Variants in CACNA2D3 observed in about 807,000 individuals in gnomAD.
CACNA2D3 encodes voltage-dependent calcium channel subunit alpha-2/delta-3.
In CACNA2D3, 60 loss-of-function variants were observed where a neutral mutation model predicts 160.6. That is an observed-to-expected ratio of 0.37 (90% CI 0.30 to 0.46). The LOEUF (loss-of-function observed/expected upper bound fraction) is 0.46, where lower values mean the gene tolerates loss of function less well. CACNA2D3 is among the 20% of genes least tolerant of loss of function. The pLI, the probability that CACNA2D3 is intolerant of heterozygous loss-of-function variation, is 1.00. For synonymous variants in CACNA2D3, 558 were observed against 492.9 expected, an observed-to-expected ratio of 1.13 and a Z score of -1.75; for missense variants, 1,205 against 1,365.0, an observed-to-expected ratio of 0.88 and a Z score of 1.85.
intron 5 of CACNA2D3, among the ~76,000 whole-genome samples, chr3:54,504,523 C>T (rs550694457): frequency 1.3e-5 from 2 of 152,190 alleles, no homozygotes; most frequent in Admixed American, 6.5e-5. Context: ...TTGTTTTCAG[C>T]ATCTTTATCC....
chr3:54,208,744 A>AT (rs1701318423), intron 2 of CACNA2D3, among the ~76,000 whole-genome samples: 1 of 91,756 alleles, frequency 1.1e-5, no homozygotes, highest in African/African-American at 4.5e-5. Context: ...TCATTAAAAA[A>AT]CCTTTTTTTT....
chr3:54,526,767 T>C (rs1410567236), intron 5 of CACNA2D3, among the ~76,000 whole-genome samples: 2 of 152,228 alleles, frequency 1.3e-5, no homozygotes, highest in African/African-American at 4.8e-5. Context: ...CTCAGCTCAC[T>C]GCAACCTCCA....
chr3:54,942,699 G>A (rs774978300), intron 27 of CACNA2D3, among the ~76,000 whole-genome samples: 1 of 151,924 alleles, frequency 6.6e-6, no homozygotes, highest in Non-Finnish European at 1.5e-5. Flanking sequence ...GACCAGCCTG[G>A]GCAACATAGC....
At chr3:54,457,056 T>C (rs963881146) in intron 4 of CACNA2D3, among the ~76,000 whole-genome samples, 2 of 151,968 alleles carry the variant, frequency 1.3e-5, no homozygotes, top group African/African-American at 2.4e-5. Context: ...ATTTTGTTGA[T>C]CTTTTTTTGT....
chr3:54,487,382 A>T (rs956927667), intron 4 of CACNA2D3, among the ~76,000 whole-genome samples: 1 of 152,154 alleles, frequency 6.6e-6, no homozygotes, highest in Non-Finnish European at 1.5e-5. Context: ...GGGGAAAAAA[A>T]CCAGACAGTC....
intron 35 of CACNA2D3, among the ~76,000 whole-genome samples, chr3:55,036,976 G>T (rs1279342428): frequency 6.6e-6 from 1 of 152,144 alleles, no homozygotes; most frequent in East Asian, 1.9e-4. Context: ...TGGCCAGGAG[G>T]TGAGTCTGGG....
intron 27 of CACNA2D3, among the ~76,000 whole-genome samples, chr3:54,963,659 G>GTGTT (rs1246390893): frequency 3.3e-5 from 5 of 152,336 alleles, no homozygotes; most frequent in African/African-American, 1.2e-4. Flanking sequence ...AATGGTCTAT[G>GTGTT]TGTTTTGGAT....
intron 9 of CACNA2D3, among the ~76,000 whole-genome samples, chr3:54,593,118 AAGAT>A (rs1702892119): frequency 6.6e-6 from 1 of 152,310 alleles, no homozygotes; most frequent in Admixed American, 6.5e-5. Flanking sequence ...AAACTAATAA[AAGAT>A]AGTAAGAGTT....
chr3:54,248,354 T>TC (rs1443580534), intron 2 of CACNA2D3, among the ~76,000 whole-genome samples: 1 of 151,216 alleles, frequency 6.6e-6, no homozygotes. Context: ...GGTGGCATGC[T>TC]CCTGTAATCC....
chr3:54,412,930 A>T (rs1388376154), intron 4 of CACNA2D3, among the ~76,000 whole-genome samples: 2 of 151,886 alleles, frequency 1.3e-5, no homozygotes, highest in African/African-American at 4.8e-5. Flanking sequence ...TTCTAAAGAA[A>T]TTAATGTAAA....
At chr3:54,974,891 G>C (rs1026938961) in intron 29 of CACNA2D3, among the ~76,000 whole-genome samples, 2 of 152,214 alleles carry the variant, frequency 1.3e-5, no homozygotes, top group Non-Finnish European at 2.9e-5. Flanking sequence ...AATTTGGGAG[G>C]AAAGGGTAGC....
intron 11 of CACNA2D3, among the ~76,000 whole-genome samples, chr3:54,730,737 A>G (rs1319066449): frequency 1.3e-5 from 2 of 152,116 alleles, no homozygotes; most frequent in Non-Finnish European, 2.9e-5. Flanking sequence ...TTCTGACCTC[A>G]GGTGATCCAC....
At chr3:54,889,448 A>G (rs1700004064) in intron 24 of CACNA2D3, among the ~76,000 whole-genome samples, 1 of 152,186 alleles carries the variant, frequency 6.6e-6, no homozygotes, top group Non-Finnish European at 1.5e-5. Flanking sequence ...CTTCAGAGGC[A>G]AGGTCTCCAG....
At chr3:54,352,537 G>A (rs943203660) in intron 3 of CACNA2D3, among the ~76,000 whole-genome samples, 6 of 152,232 alleles carry the variant, frequency 3.9e-5, no homozygotes, top group Non-Finnish European at 8.8e-5. Context: ...GTGTGGAAAA[G>A]TCACAGACAT....
chr3:54,223,022 G>T (rs1244124629), intron 2 of CACNA2D3, among the ~76,000 whole-genome samples: 1 of 152,102 alleles, frequency 6.6e-6, no homozygotes, highest in East Asian at 1.9e-4. Context: ...GATTAATCAA[G>T]CATGACTTTA....
chr3:54,487,170 CAGCCTGGGCAACAT>C (rs1408009613), intron 4 of CACNA2D3, among the ~76,000 whole-genome samples: 1 of 151,948 alleles, frequency 6.6e-6, no homozygotes, highest in Non-Finnish European at 1.5e-5. Flanking sequence ...AGTTTGAGAC[CAGCCTGGGCAACAT>C]AGTGAGACCC....
chr3:54,670,303 A>G (rs1700136788), intron 11 of CACNA2D3, among the ~76,000 whole-genome samples: 1 of 152,172 alleles, frequency 6.6e-6, no homozygotes, highest in African/African-American at 2.4e-5. Flanking sequence ...AGGTGCACAG[A>G]CGTGTGCTGG....
intron 27 of CACNA2D3, among the ~76,000 whole-genome samples, chr3:54,918,024 A>C (rs986568946): frequency 1.3e-5 from 2 of 152,206 alleles, no homozygotes; most frequent in African/African-American, 4.8e-5. Flanking sequence ...GGGTAAGATC[A>C]CCAGCCTCTT....
At chr3:54,186,356 G>A (rs1385456187) in intron 2 of CACNA2D3, among the ~76,000 whole-genome samples, 1 of 152,162 alleles carries the variant, frequency 6.6e-6, no homozygotes, top group Admixed American at 6.5e-5. Flanking sequence ...GAATCTAGGG[G>A]TGAATTCCAC....
Sources: gnomAD v4.1 joint callset for allele counts (sites outside exome capture counted in the v4.1 genomes callset) on GRCh38, gnomAD v4.1.1 for gene constraint, MANE v1.5 for transcripts, NCBI Gene and HGNC (gene_info 2026-07-23, HGNC 2026-07-21) for gene names.